EFCAB5: variants seen among roughly 807,000 people sequenced by gnomAD.
EFCAB5 encodes the protein EF-hand calcium binding domain 5, also known as EF-hand calcium-binding domain-containing protein 5.
A neutral mutation model predicts 167.9 loss-of-function variants in EFCAB5; 131 were observed. The ratio of observed to expected loss-of-function variants is 0.78; its 90% confidence interval spans 0.68 to 0.90. The LOEUF (loss-of-function observed/expected upper bound fraction) is 0.90. EFCAB5 is among the 40% of genes least tolerant of loss of function. The probability of loss-of-function intolerance (pLI) is 0.00; values close to 1 mark genes in which losing one functional copy is unlikely to be tolerated. For synonymous variants in EFCAB5, 574 were observed against 602.8 expected, an observed-to-expected ratio of 0.95 and a Z score of 0.70; for missense variants, 1,663 against 1,745.2, an observed-to-expected ratio of 0.95 and a Z score of 0.84.
At chr17:30,082,247 C>T (rs1413955884) in intron 17 of EFCAB5, among the ~76,000 whole-genome samples, 1 of 152,140 alleles carries the variant, frequency 6.6e-6, no homozygotes, top group South Asian at 2.1e-4. Context: ...GATTGGCATT[C>T]GTTCTTGGCT....
At chr17:29,953,944 T>C (rs898994095) in intron 3 of EFCAB5, among the ~76,000 whole-genome samples, 4 of 152,132 alleles carry the variant, frequency 2.6e-5, no homozygotes, top group African/African-American at 7.2e-5. Flanking sequence ...GGAGCAAAGG[T>C]GACTTGCTAT....
At chr17:30,014,733 A>G (rs1363371698) in intron 7 of EFCAB5, among the ~76,000 whole-genome samples, 2 of 152,064 alleles carry the variant, frequency 1.3e-5, no homozygotes, top group Non-Finnish European at 2.9e-5. Context: ...CAGCACACTG[A>G]TGGGCCTTGA....
chr17:30,098,743 A>G (rs2071340023), intron 22 of EFCAB5, among the ~76,000 whole-genome samples: 1 of 152,182 alleles, frequency 6.6e-6, no homozygotes, highest in African/African-American at 2.4e-5. Flanking sequence ...TGCAGTTATC[A>G]CCACTATCTA....
Position 30,053,909 on chromosome 17 carries a change from A to G in EFCAB5, c.1955A>G (p.Glu652Gly), listed in dbSNP as rs1316262627. The change falls in exon 10 of 23, where the codon GAA (glutamate) becomes GGA (glycine). Residue 652 changes from glutamate (E) to glycine (G), a missense_variant. By Grantham distance (98) the Glu-to-Gly change is moderately conservative (BLOSUM62 -2). Coordinates refer to ENST00000394835, the MANE Select transcript of EFCAB5 (RefSeq NM_198529.4). ...ATAGAAGAACCATACCAAAAATCAGAACAAGGACCTTATGGAGAGATAATT... is the reference window on the plus strand; with the variant it reads ...ATAGAAGAACCATACCAAAAATCAGGACAAGGACCTTATGGAGAGATAATT... The part of the protein sequence containing the change: ...SVIEEPYQKS[E>G]QGPYGEIISE... The G allele has an allele frequency of 1.3e-5, 21 of 1,613,926 alleles. No individual in the cohort carries two copies. Among genetic ancestry groups the G allele is most frequent in the Non-Finnish European group, 1.7e-5 (20 of 1,179,904 alleles).
At chr17:30,051,087 C>G (rs754413470) in intron 8 of EFCAB5, 31 bp from the exon 9 acceptor site, 1 of 1,603,888 alleles carries the variant, frequency 6.2e-7, no homozygotes, top group South Asian at 1.1e-5. Context: ...TCTCCTGTAA[C>G]AACTAATCAC....
chr17:29,967,411 TGCCTGATGATTA>T (rs1225361704), intron 3 of EFCAB5, among the ~76,000 whole-genome samples: 1 of 152,200 alleles, frequency 6.6e-6, no homozygotes, highest in African/African-American at 2.4e-5. Flanking sequence ...ACCCTTCTGG[TGCCTGATGATTA>T]GCTCAAATGG....
At chr17:30,047,751 A>G (rs2069967705) in intron 8 of EFCAB5, among the ~76,000 whole-genome samples, 1 of 152,184 alleles carries the variant, frequency 6.6e-6, no homozygotes, top group African/African-American at 2.4e-5. Context: ...TTATTACTGG[A>G]TCTACTTACA....
intron 4 of EFCAB5, among the ~76,000 whole-genome samples, chr17:29,979,083 G>A (rs1045932068): frequency 6.6e-6 from 1 of 152,162 alleles, no homozygotes; most frequent in African/African-American, 2.4e-5. Context: ...TGGGCACGGT[G>A]GCTCACGCCT....
At chr17:30,023,347 A>T (rs2069231194) in intron 7 of EFCAB5, among the ~76,000 whole-genome samples, 1 of 152,054 alleles carries the variant, frequency 6.6e-6, no homozygotes, top group Non-Finnish European at 1.5e-5. Context: ...GATAAAGGGG[A>T]TATCACCACC....
chr17:29,988,017 T>G (rs893167719), intron 4 of EFCAB5, among the ~76,000 whole-genome samples: 4 of 152,236 alleles, frequency 2.6e-5, no homozygotes, highest in Admixed American at 6.5e-5. Flanking sequence ...AGATGAGGAA[T>G]GCACCATTTG....
chr17:30,068,742 G>C, intron 14 of EFCAB5: 4 of 1,449,244 alleles, frequency 2.8e-6, no homozygotes, highest in South Asian at 2.3e-5. Context: ...GGGATGAGCT[G>C]TTCCGCAGGA....
At chr17:30,000,779 C>T (rs1038448460) in intron 7 of EFCAB5, among the ~76,000 whole-genome samples, 1 of 152,134 alleles carries the variant, frequency 6.6e-6, no homozygotes. Flanking sequence ...CAGTTATGTT[C>T]TAACTGTGTT....
chr17:30,055,135 A>T (rs2070217398), intron 10 of EFCAB5, among the ~76,000 whole-genome samples: 1 of 152,078 alleles, frequency 6.6e-6, no homozygotes. Flanking sequence ...CCATCTCAAA[A>T]AAAAAAATTA....
At chr17:30,000,288 A>C (rs2068634127) in intron 7 of EFCAB5, among the ~76,000 whole-genome samples, 1 of 152,120 alleles carries the variant, frequency 6.6e-6, no homozygotes, top group African/African-American at 2.4e-5. Context: ...ACTTACAAAA[A>C]CTTTCCTATG....
intron 8 of EFCAB5, among the ~76,000 whole-genome samples, chr17:30,049,815 A>G (rs900397635): frequency 6.6e-6 from 1 of 152,230 alleles, no homozygotes; most frequent in African/African-American, 2.4e-5. Flanking sequence ...GGCTATAACT[A>G]ATAAAGTTGA....
chr17:30,058,185 G>C (rs2070328483), intron 13 of EFCAB5, among the ~76,000 whole-genome samples: 1 of 152,172 alleles, frequency 6.6e-6, no homozygotes, highest in Non-Finnish European at 1.5e-5. Flanking sequence ...TATATGCAAA[G>C]ATGTGTATGT....
chr17:29,969,804 C>T (rs1346944797), intron 4 of EFCAB5, among the ~76,000 whole-genome samples: 2 of 152,132 alleles, frequency 1.3e-5, no homozygotes, highest in East Asian at 3.8e-4. Flanking sequence ...AACTACTATT[C>T]TTAATTTTCT....
chr17:30,034,035 C>G (rs1219181478), intron 7 of EFCAB5, among the ~76,000 whole-genome samples, 195 bp from the exon 8 acceptor site: 1 of 152,164 alleles, frequency 6.6e-6, no homozygotes, highest in African/African-American at 2.4e-5. Context: ...GTATTGGGGA[C>G]TGCATTAGTT....
At chr17:30,039,540 C>T (rs2069712972) in intron 8 of EFCAB5, among the ~76,000 whole-genome samples, 1 of 152,172 alleles carries the variant, frequency 6.6e-6, no homozygotes, top group African/African-American at 2.4e-5. Context: ...GAGACCACTG[C>T]CACCCCTGCA....
Sources: gnomAD v4.1 joint callset for allele counts (sites outside exome capture counted in the v4.1 genomes callset) on GRCh38, gnomAD v4.1.1 for gene constraint, MANE v1.5 for transcripts, NCBI Gene and HGNC (gene_info 2026-07-23, HGNC 2026-07-21) for gene names.